MYO1E: variants seen among roughly 807,000 people sequenced by gnomAD.
The protein encoded by MYO1E is myosin IE, also known as unconventional myosin-Ie.
A neutral mutation model predicts 151.1 loss-of-function variants in MYO1E; 68 were observed. The observed-to-expected ratio is 0.45, with a 90% CI of 0.37 to 0.55. The LOEUF (loss-of-function observed/expected upper bound fraction) is 0.55. Among genes scored for constraint, MYO1E ranks in the 20% least tolerant of loss-of-function variants. The pLI is 0.00. For synonymous variants in MYO1E, 601 were observed against 501.7 expected, an observed-to-expected ratio of 1.20 and a Z score of -2.64; for missense variants, 1,363 against 1,389.3, an observed-to-expected ratio of 0.98 and a Z score of 0.30.
At position 59,227,361 on chromosome 15, in the gene MYO1E, C is replaced by T. The variant is rs992746782; in HGVS notation, c.642+98G>A. The T allele has an allele frequency of 3.4e-6, 5 of 1,461,118 alleles. No individual in the cohort carries two copies. The African/African-American group carries it at 7.0e-5, about 20-fold the overall frequency. 90.5% of individuals were successfully genotyped at this position (1,461,118 alleles called of 1,614,324 possible). A position where few individuals can be genotyped will look rare whatever the true frequency, so the allele number is the denominator to read the frequency against. On this transcript the variant is annotated intron_variant, in intron 7 of 27. Coordinates refer to ENST00000288235, the MANE Select transcript of MYO1E (RefSeq NM_004998.4). ...GTACATGGTATCATCATCAGTCCTC[C>T]CTGGCTTCCTAGACTATAGTCTATG... is the stretch of plus-strand genomic sequence containing the variant.
intron 5 of MYO1E, among the ~76,000 whole-genome samples, chr15:59,236,369 T>TATATATATAC (rs1392466770): frequency 8.5e-6 from 1 of 117,740 alleles, no homozygotes; most frequent in East Asian, 2.6e-4. Context: ...AAAAAATATA[T>TATATATATAC]ACACACACAC....
At chr15:59,180,983 TCTCTTGGATCACTGATCC>T (rs1167404752) in intron 18 of MYO1E, among the ~76,000 whole-genome samples, 3 of 152,166 alleles carry the variant, frequency 2.0e-5, no homozygotes, top group African/African-American at 7.2e-5. Flanking sequence ...GCTCTTGTTA[TCTCTTGGATCACTGATCC>T]CATGTTTCCT....
chr15:59,309,065 G>C (rs1241901007), intron 1 of MYO1E, among the ~76,000 whole-genome samples: 1 of 150,008 alleles, frequency 6.7e-6, no homozygotes, highest in Non-Finnish European at 1.5e-5. Context: ...AGTAAGCCAT[G>C]ATCACACCAC....
At chr15:59,362,959 C>A (rs1342415338) in intron 1 of MYO1E, among the ~76,000 whole-genome samples, 1 of 148,948 alleles carries the variant, frequency 6.7e-6, no homozygotes, top group Non-Finnish European at 1.5e-5. Context: ...GATTAGAGAG[C>A]CTTCTAGTAT....
At chr15:59,233,384 G>A (rs146733669) in intron 5 of MYO1E, among the ~76,000 whole-genome samples, 3 of 152,110 alleles carry the variant, frequency 2.0e-5, no homozygotes, top group East Asian at 3.9e-4. Flanking sequence ...GTAGCCCATC[G>A]GCCGGGCGCG....
At position 59,357,102 on chromosome 15, in the gene MYO1E, C is replaced by T. The variant is rs1413149165; in HGVS notation, c.3+15396G>A. On this transcript the variant is annotated intron_variant, in intron 1 of 27. Coordinates refer to ENST00000288235, the MANE Select transcript of MYO1E (RefSeq NM_004998.4). ...TGTATTTTCAGTAGAGATGAGGTTT[C>T]GCCCTGTTGACCAGGCTGGTCTTGA... is the stretch of plus-strand genomic sequence containing the variant. Among the ~76,000 whole-genome samples, 4 of 149,842 alleles carry T rather than the reference C, an allele frequency of 2.7e-5. No individual in the cohort carries two copies. In the East Asian group the frequency reaches 5.9e-4, roughly 22 times the overall value.
intron 1 of MYO1E, among the ~76,000 whole-genome samples, chr15:59,371,849 C>CAA (rs2080947080): frequency 6.6e-6 from 1 of 151,632 alleles, no homozygotes; most frequent in Non-Finnish European, 1.5e-5. Flanking sequence ...CGCCCGCGCC[C>CAA]GAGTCTCCCT....
At chr15:59,148,501 G>A (rs531778936) in intron 26 of MYO1E, among the ~76,000 whole-genome samples, 4 of 152,228 alleles carry the variant, frequency 2.6e-5, no homozygotes, top group African/African-American at 9.6e-5. Flanking sequence ...TTATTTCACT[G>A]GCTCTTAAAA....
intron 1 of MYO1E, among the ~76,000 whole-genome samples, chr15:59,336,847 G>C (rs1036996273): frequency 6.7e-6 from 1 of 149,262 alleles, no homozygotes; most frequent in Non-Finnish European, 1.5e-5. Flanking sequence ...TGCGGTGTTT[G>C]GTTTTCTGCT....
intron 1 of MYO1E, among the ~76,000 whole-genome samples, chr15:59,327,479 T>G (rs1488200433): frequency 6.6e-6 from 1 of 151,978 alleles, no homozygotes; most frequent in Non-Finnish European, 1.5e-5. Flanking sequence ...TGGCTATTTT[T>G]ATTATTATTA....
At chr15:59,272,206 G>T in intron 2 of MYO1E, 100 bp downstream of exon 2, 3 of 1,389,632 alleles carry the variant, frequency 2.2e-6, no homozygotes, top group Non-Finnish European at 3.1e-6. Context: ...AAAGTGCTGG[G>T]ATTACACACG....
chr15:59,141,620 G>A (rs920252577), intron 26 of MYO1E, among the ~76,000 whole-genome samples: 4 of 152,008 alleles, frequency 2.6e-5, no homozygotes, highest in African/African-American at 9.7e-5. Context: ...CCAACATGGC[G>A]AAACCCGTCT....
intron 1 of MYO1E, among the ~76,000 whole-genome samples, chr15:59,294,375 C>G (rs962597655): frequency 1.7e-4 from 26 of 152,152 alleles, no homozygotes; most frequent in Admixed American, 6.6e-5. Flanking sequence ...GATAAATCAC[C>G]TCTTATCTGG....
At chr15:59,229,735 C>T (rs1477396632) in intron 6 of MYO1E, among the ~76,000 whole-genome samples, 1 of 151,822 alleles carries the variant, frequency 6.6e-6, no homozygotes, top group Admixed American at 6.6e-5. Context: ...TTCATAATAC[C>T]TGTGCATTTT....
intron 4 of MYO1E, among the ~76,000 whole-genome samples, chr15:59,249,660 G>A (rs934451095): frequency 3.9e-5 from 6 of 152,074 alleles, no homozygotes; most frequent in East Asian, 1.9e-4. Context: ...TTAGGTCATC[G>A]CTCACTTTTT....
chr15:59,245,102 C>T (rs996203898), intron 4 of MYO1E, among the ~76,000 whole-genome samples: 20 of 152,242 alleles, frequency 1.3e-4, no homozygotes, highest in African/African-American at 3.4e-4. Flanking sequence ...GGTCAAAGGC[C>T]GGTGCTGCTG....
chr15:59,143,709 G>C (rs2140301192), intron 26 of MYO1E, among the ~76,000 whole-genome samples: 1 of 152,268 alleles, frequency 6.6e-6, no homozygotes, highest in African/African-American at 2.4e-5. Context: ...GCAGGCTCCT[G>C]GGATTTCCTG....
At chr15:59,316,022 T>C (rs2080586721) in intron 1 of MYO1E, among the ~76,000 whole-genome samples, 1 of 152,074 alleles carries the variant, frequency 6.6e-6, no homozygotes, top group Non-Finnish European at 1.5e-5. Context: ...AGTACCAGAG[T>C]GGTTTGGCTC....
rs1367987319 is a variant in MYO1E, at chr15:59,159,610, C to T, written c.2786-1231G>A. Among the ~76,000 whole-genome samples, 1 of 152,188 alleles carries T rather than the reference C, an allele frequency of 6.6e-6. No individual in the cohort carries two copies. The highest frequency in any genetic ancestry group is 1.5e-5 in the Non-Finnish European group (1 of 68,024). On this transcript the variant is annotated intron_variant, in intron 24 of 27. Coordinates refer to ENST00000288235, the MANE Select transcript of MYO1E (RefSeq NM_004998.4). This position sits in a 1 kb window ranked among gnomAD's most constrained non-coding sequence, Gnocchi z 4.4. ...TTCCTGCCACTCCCTTTCCCTGGGT[C>T]CCTACTTTGTTCCCTAAACCCCGTC...
Sources: gnomAD v4.1 joint callset for allele counts (sites outside exome capture counted in the v4.1 genomes callset) on GRCh38, gnomAD v4.1.1 for gene constraint, Gnocchi (gnomAD v3.1) non-coding constraint, MANE v1.5 for transcripts, NCBI Gene and HGNC (gene_info 2026-07-23, HGNC 2026-07-21) for gene names.